The following DCDC2C variants were observed in gnomAD, a reference collection of about 807,000 sequenced individuals.
The protein encoded by DCDC2C is doublecortin domain containing 2C.
DCDC2C carries 44 observed loss-of-function variants against 45.0 expected under a neutral mutation model. The observed-to-expected ratio is 0.98, with a 90% CI of 0.77 to 1.26. DCDC2C has a LOEUF of 1.26. Ranked by LOEUF, DCDC2C falls within the 50% of genes most tolerant of loss-of-function variation. The probability of loss-of-function intolerance (pLI) is 0.00; values close to 1 mark genes in which losing one functional copy is unlikely to be tolerated. For synonymous variants in DCDC2C, 187 were observed against 178.8 expected (o/e 1.05, Z -0.37); for missense variants, 447 against 468.9 (o/e 0.95, Z 0.43).
chr2:3,733,323 C>G (rs1572569729), intron 3 of DCDC2C, among the ~76,000 whole-genome samples: 1 of 152,182 alleles, frequency 6.6e-6, no homozygotes, highest in Non-Finnish European at 1.5e-5. Flanking sequence ...CTAAAGTGTT[C>G]AAGCCATTGT....
Position 3,847,900 on chromosome 2 carries a change from C to T in DCDC2C, c.*717C>T, listed in dbSNP as rs539375879. Among the ~76,000 whole-genome samples the T allele has an allele frequency of 6.6e-6, 1 of 152,192 alleles. No individual in the cohort carries two copies. Among genetic ancestry groups the T allele is most frequent in the African/African-American group, 2.4e-5 (1 of 41,522 alleles). ...GCCATGTGAAAAAGATTCTTGCTTC[C>T]CCTTCGCCCTTCTGCTATGATTGTA... On this transcript the variant is annotated 3_prime_UTR_variant, in exon 11 of 11. Transcript: ENST00000399143.
Position 3,718,101 on chromosome 2 carries a change from T to C in DCDC2C, c.340-8902T>C, listed in dbSNP as rs531887176. On this transcript the variant is annotated intron_variant, in intron 2 of 10. Coordinates refer to ENST00000399143, the MANE Select transcript of DCDC2C (RefSeq NM_001287444.2). Reference sequence around the variant, plus strand: ...CCTCTGAGGCCAGGAGTGGTGTTGGTCTTTTCCACCACTGCATTCTAACTC... The same window carrying C: ...CCTCTGAGGCCAGGAGTGGTGTTGGCCTTTTCCACCACTGCATTCTAACTC... Among the ~76,000 whole-genome samples the C allele has an allele frequency of 7.2e-5, 11 of 152,314 alleles. No individual in the cohort carries two copies. The South Asian group carries it at 1.9e-3, about 26-fold the overall frequency.
rs371858475 is a variant in DCDC2C at position 3,749,398 on chromosome 2, G to A, written c.546-3365G>A. Among the ~76,000 whole-genome samples, 18 of 152,192 alleles carry A rather than the reference G, an allele frequency of 1.2e-4. No individual in the cohort carries two copies. In the East Asian group the frequency reaches 2.1e-3, roughly 18 times the overall value. On this transcript the variant is annotated intron_variant, in intron 4 of 10. Coordinates refer to ENST00000399143, the MANE Select transcript of DCDC2C (RefSeq NM_001287444.2). Reference sequence around the variant, plus strand: ...TGAGACTCACACTTCAGTAAAAGCCGCCGTTCTCCGTATGTGATGTCCCGG... The same window carrying A: ...TGAGACTCACACTTCAGTAAAAGCCACCGTTCTCCGTATGTGATGTCCCGG...
In DCDC2C at chr2:3,828,359, G is replaced by A. The variant is rs145686918; in HGVS notation, c.1066-18795G>A. The stretch of plus-strand genomic sequence containing the variant: ...GTGTGCTGGGTGCAGGGCGGGTGCC[G>A]CTCACCCGGGGCTGCCCTCTCTCTG... On this transcript the variant is annotated intron_variant, in intron 10 of 10. Coordinates refer to ENST00000399143, the MANE Select transcript of DCDC2C (RefSeq NM_001287444.2). Among the ~76,000 whole-genome samples, 589 of 152,250 alleles carry A rather than the reference G, an allele frequency of 3.9e-3. 3 individuals carry two copies. Among genetic ancestry groups the A allele is most frequent in the African/African-American group, 9.3e-3 (386 of 41,544 alleles).
chr2:3,800,611 C>CACCCA (rs1381814149), intron 10 of DCDC2C, among the ~76,000 whole-genome samples: 5 of 149,730 alleles, frequency 3.3e-5, no homozygotes, highest in East Asian at 2.1e-4. Flanking sequence ...CACATAAGTG[C>CACCCA]TTTTTCTTGA....
chr2:3,760,268 G>T (rs533030266), intron 6 of DCDC2C, among the ~76,000 whole-genome samples: 1 of 152,216 alleles, frequency 6.6e-6, no homozygotes, highest in East Asian at 1.9e-4. Context: ...AAAAGAACTT[G>T]CATTTGCACT....
rs534108947 is a variant in DCDC2C at position 3,836,589 on chromosome 2, G to A, written c.1066-10565G>A. Among the ~76,000 whole-genome samples the A allele has an allele frequency of 3.1e-3, 478 of 152,150 alleles. 2 individuals carry two copies. Among genetic ancestry groups the A allele is most frequent in the Non-Finnish European group, 4.9e-3 (331 of 67,990 alleles). On this transcript the variant is annotated intron_variant, in intron 10 of 10. Coordinates refer to ENST00000399143, the MANE Select transcript of DCDC2C (RefSeq NM_001287444.2). The stretch of plus-strand genomic sequence containing the variant: ...TAAAGAGTACACTGGTCGGCGGGGC[G>A]CGGTGGCTCACGCCTGTAATCCCAG...
intron 7 of DCDC2C, among the ~76,000 whole-genome samples, chr2:3,768,102 G>T (rs1350229466): frequency 6.6e-6 from 1 of 151,754 alleles, no homozygotes; most frequent in Non-Finnish European, 1.5e-5. Flanking sequence ...CTAATTAGGG[G>T]GCCTCCAAGA....
At chr2:3,792,208 G>A (rs1440263110) in intron 10 of DCDC2C, among the ~76,000 whole-genome samples, 1 of 152,198 alleles carries the variant, frequency 6.6e-6, no homozygotes, top group Non-Finnish European at 1.5e-5. Flanking sequence ...CTTGATGCCT[G>A]CCTTGTAACG....
chr2:3,784,575 T>C (rs1444131003), intron 9 of DCDC2C, among the ~76,000 whole-genome samples: 2 of 151,880 alleles, frequency 1.3e-5, no homozygotes, highest in African/African-American at 4.8e-5. Flanking sequence ...ATATAACAAA[T>C]ATTAATATAT....
intron 8 of DCDC2C, among the ~76,000 whole-genome samples, chr2:3,773,087 T>C (rs1670226024): frequency 6.6e-6 from 1 of 152,026 alleles, no homozygotes; most frequent in Non-Finnish European, 1.5e-5. Context: ...CTGAACTAAG[T>C]GGTTGTGAAT....
intron 10 of DCDC2C, among the ~76,000 whole-genome samples, chr2:3,811,870 G>A (rs970037134): frequency 4.6e-5 from 7 of 152,178 alleles, no homozygotes; most frequent in South Asian, 2.1e-4. Flanking sequence ...CTGTTTATGC[G>A]ATGGATTATG....
At chr2:3,745,935 T>C (rs1021309711) in intron 4 of DCDC2C, among the ~76,000 whole-genome samples, 2 of 152,152 alleles carry the variant, frequency 1.3e-5, no homozygotes, top group Non-Finnish European at 2.9e-5. Context: ...CTAATTATTC[T>C]TCGTGGTATT....
intron 4 of DCDC2C, among the ~76,000 whole-genome samples, chr2:3,751,682 G>C (rs1669546810): frequency 6.6e-6 from 1 of 152,070 alleles, no homozygotes; most frequent in Non-Finnish European, 1.5e-5. Context: ...TCCTTTCCAT[G>C]CCCCCTGCAT....
chr2:3,778,697 C>A, intron 8 of DCDC2C, 119 bp from the exon 9 acceptor site: 4 of 872,370 alleles, frequency 4.6e-6, no homozygotes, highest in Non-Finnish European at 7.0e-6. Context: ...ACTGCAGTGA[C>A]TTCCCCAGCT....
At chr2:3,754,562 AT>A in intron 5 of DCDC2C, 29 bp from the exon 6 acceptor site, 1 of 1,547,800 alleles carries the variant, frequency 6.5e-7, no homozygotes, top group Non-Finnish European at 8.7e-7. Flanking sequence ...CGGGCTTTAC[AT>A]TTCAAGTTGA....
At chr2:3,738,205 A>C (rs1204565457) in intron 3 of DCDC2C, among the ~76,000 whole-genome samples, 1 of 152,262 alleles carries the variant, frequency 6.6e-6, no homozygotes, top group Non-Finnish European at 1.5e-5. Flanking sequence ...TCAGTGCACC[A>C]TTGACAGTTC....
Position 3,847,135 on chromosome 2 carries a change from G to T in DCDC2C, c.1066-19G>T. On this transcript the variant is annotated intron_variant, in intron 10 of 10. Transcript: ENST00000399143. ...GCTTGAAGATGTTCTCTGTTAACCT[G>T]CTTTTCTATGTCTTCCAGATGGCCC... 8.1e-7 allele frequency: 1 copy of T among 1,231,254 alleles called. No homozygotes were observed. Among genetic ancestry groups the T allele is most frequent in the Non-Finnish European group, 1.0e-6 (1 of 987,674 alleles). 76.3% of individuals were successfully genotyped at this position (1,231,254 alleles called of 1,614,324 possible).
chr2:3,748,185 A>G (rs938218132), intron 4 of DCDC2C, among the ~76,000 whole-genome samples: 20 of 152,160 alleles, frequency 1.3e-4, no homozygotes, highest in African/African-American at 4.6e-4. Context: ...GATTCTGAGC[A>G]TGGAGTGTCA....
Sources: allele counts gnomAD v4.1 joint callset (sites outside exome capture counted in the v4.1 genomes callset), GRCh38; gene constraint gnomAD v4.1.1; transcripts MANE v1.5; gene names NCBI Gene and HGNC (gene_info 2026-07-23, HGNC 2026-07-21).